CDH22: variants seen among roughly 807,000 people sequenced by gnomAD.
CDH22 encodes cadherin 22, also known as cadherin-22.
A neutral mutation model predicts 58.4 loss-of-function variants in CDH22; 30 were observed. The ratio of observed to expected loss-of-function variants is 0.51; its 90% CI spans 0.38 to 0.70. The LOEUF (loss-of-function observed/expected upper bound fraction) is 0.70, where lower values mean the gene tolerates loss of function less well. Among genes scored for constraint, CDH22 ranks in the 30% least tolerant of loss-of-function variants. CDH22 has a pLI of 0.00. For synonymous variants in CDH22, 513 were observed against 558.2 expected, an observed-to-expected ratio of 0.92 and a Z score of 1.14; for missense variants, 1,014 against 1,233.9, an observed-to-expected ratio of 0.82 and a Z score of 2.67.
At chr20:46,197,720 G>T (rs1000368594) in intron 8 of CDH22, among the ~76,000 whole-genome samples, 1 of 152,206 alleles carries the variant, frequency 6.6e-6, no homozygotes, top group Non-Finnish European at 1.5e-5. Flanking sequence ...CCTTTCATGC[G>T]GTAGAGGAGT....
At chr20:46,284,217 TGTGCCAGA>T (rs945432047) in intron 1 of CDH22, among the ~76,000 whole-genome samples, 14 of 148,572 alleles carry the variant, frequency 9.4e-5, no homozygotes, top group Non-Finnish European at 1.9e-4. Context: ...GACAGGAAGG[TGTGCCAGA>T]GTCCCTGGGC....
rs1175543885 is a variant in CDH22, at chr20:46,216,085, G to A, written c.838+741C>T. On this transcript the variant is annotated intron_variant, in intron 5 of 11. Coordinates refer to ENST00000537909, the MANE Select transcript of CDH22 (RefSeq NM_021248.3). The surrounding 1 kb of genome is among the most constrained non-coding windows in gnomAD (Gnocchi z 5.3). ...GTGAGAGCAGCAGACCTCAAGTAATGACTCACCCGATAGGAATCAGCCCAG... is the reference window on the plus strand; with the variant it reads ...GTGAGAGCAGCAGACCTCAAGTAATAACTCACCCGATAGGAATCAGCCCAG... Among the ~76,000 whole-genome samples, 1 of 152,158 alleles carries A rather than the reference G, an allele frequency of 6.6e-6. No individual in the cohort carries two copies. Among genetic ancestry groups the A allele is most frequent in the African/African-American group, 2.4e-5 (1 of 41,458 alleles).
chr20:46,220,733 G>C (rs62214484), intron 4 of CDH22: 1 of 151,778 alleles, frequency 6.6e-6, no homozygotes, highest in Non-Finnish European at 1.5e-5. Flanking sequence ...CAGCTCCTGA[G>C]GAACTGGGGA....
intron 3 of CDH22, among the ~76,000 whole-genome samples, chr20:46,238,613 C>T (rs541592915): frequency 4.6e-5 from 7 of 152,320 alleles, no homozygotes; most frequent in South Asian, 4.1e-4. Context: ...AAATGGAAAT[C>T]CATCTATTTA....
intron 3 of CDH22, among the ~76,000 whole-genome samples, chr20:46,237,971 T>C (rs1198298551): frequency 6.6e-6 from 1 of 152,138 alleles, no homozygotes; most frequent in Non-Finnish European, 1.5e-5. Context: ...TCCTGCCACC[T>C]CTCAGAGTCA....
chr20:46,220,084 C>T (rs2086112819), intron 4 of CDH22, among the ~76,000 whole-genome samples: 1 of 147,542 alleles, frequency 6.8e-6, no homozygotes, highest in Admixed American at 6.9e-5. Flanking sequence ...TAGTGAGAGA[C>T]AGGAGGAAAG....
intron 3 of CDH22, among the ~76,000 whole-genome samples, chr20:46,230,423 ACTC>A (rs769430389): frequency 1.7e-4 from 26 of 151,652 alleles, no homozygotes; most frequent in Non-Finnish European, 2.5e-4. Flanking sequence ...GGCCCACAAA[ACTC>A]CTGAAAATCA....
At chr20:46,295,091 C>T (rs1320618323) in intron 1 of CDH22, among the ~76,000 whole-genome samples, 1 of 152,212 alleles carries the variant, frequency 6.6e-6, no homozygotes, top group South Asian at 2.1e-4. Context: ...CGAGGAGCCT[C>T]TCACTGGCAG....
rs1260189605 is a variant in CDH22 at position 46,186,573 on chromosome 20, GGTTT to G, written c.1663+11_1663+14del. Reference sequence around the variant, plus strand: ...GTGCCCCTCCCTTCTTGCATCCTAGGGTTTGGAGGCTCACCTTGGATGTCAAGCA... The same window carrying G: ...GTGCCCCTCCCTTCTTGCATCCTAGGGGAGGCTCACCTTGGATGTCAAGCA... On this transcript the variant is annotated intron_variant, in intron 10 of 11. Coordinates refer to ENST00000537909, the MANE Select transcript of CDH22 (RefSeq NM_021248.3). 6.4e-7 allele frequency: 1 copy of G among 1,574,658 alleles called. No individual in the cohort carries two copies. The highest frequency in any genetic ancestry group is 1.1e-5 in the South Asian group (1 of 89,934).
At chr20:46,236,460 G>C (rs972117491) in intron 3 of CDH22, among the ~76,000 whole-genome samples, 4 of 139,296 alleles carry the variant, frequency 2.9e-5, no homozygotes. Context: ...ACACCATCAG[G>C]CATATTAATA....
chr20:46,265,274 C>T (rs982220429), intron 1 of CDH22, among the ~76,000 whole-genome samples: 2 of 152,208 alleles, frequency 1.3e-5, no homozygotes, highest in Non-Finnish European at 2.9e-5. Flanking sequence ...GGAGGCCCTT[C>T]TCCCTCCAAA....
intron 3 of CDH22, among the ~76,000 whole-genome samples, chr20:46,236,099 C>G (rs1047050316): frequency 6.6e-6 from 1 of 152,162 alleles, no homozygotes; most frequent in Admixed American, 6.5e-5. Flanking sequence ...ATTTGCTGTT[C>G]TCTCTGCCTG....
chr20:46,178,564 A>G (rs1308934283), intron 10 of CDH22, among the ~76,000 whole-genome samples: 10 of 148,026 alleles, frequency 6.8e-5, no homozygotes, highest in African/African-American at 2.3e-4. Context: ...CAGCTAGGCC[A>G]AGGTCCTGTC....
At chr20:46,203,423 T>C (rs1213574530) in intron 7 of CDH22, among the ~76,000 whole-genome samples, 1 of 152,040 alleles carries the variant, frequency 6.6e-6, no homozygotes, top group Non-Finnish European at 1.5e-5. Flanking sequence ...AGTGTGTGTT[T>C]TGTGTGGCGT....
At chr20:46,295,522 T>TACATCTCCACTTTACATCATCTCCA (rs2086625346) in intron 1 of CDH22, among the ~76,000 whole-genome samples, 5 of 152,346 alleles carry the variant, frequency 3.3e-5, no homozygotes, top group South Asian at 2.1e-4. Flanking sequence ...GCAGCTACTG[T>TACATCTCCACTTTACATCATCTCCA]GATTATCATC....
intron 5 of CDH22, among the ~76,000 whole-genome samples, chr20:46,215,702 G>A (rs577566145): frequency 1.3e-5 from 2 of 152,356 alleles, no homozygotes; most frequent in South Asian, 2.1e-4. Flanking sequence ...AAGGAATGAC[G>A]AGCAGGAAAG....
At chr20:46,186,154 C>A (rs1333581602) in intron 10 of CDH22, among the ~76,000 whole-genome samples, 2 of 142,690 alleles carry the variant, frequency 1.4e-5, no homozygotes, top group African/African-American at 5.3e-5. Context: ...GTGGAGGTTG[C>A]AACGAGCCAC....
At chr20:46,249,551 G>A (rs1416965008) in intron 2 of CDH22, among the ~76,000 whole-genome samples, 2 of 152,134 alleles carry the variant, frequency 1.3e-5, no homozygotes, top group South Asian at 2.1e-4. Context: ...AAACCCAAAG[G>A]TTTACATCTA....
At chr20:46,193,837 C>T (rs2085878812) in intron 8 of CDH22, among the ~76,000 whole-genome samples, 1 of 152,102 alleles carries the variant, frequency 6.6e-6, no homozygotes, top group African/African-American at 2.4e-5. Flanking sequence ...GGAAAAACTT[C>T]CTTGGCCTTT....
Sources: gnomAD v4.1 joint callset for allele counts (sites outside exome capture counted in the v4.1 genomes callset) on GRCh38, gnomAD v4.1.1 for gene constraint, Gnocchi (gnomAD v3.1) non-coding constraint, MANE v1.5 for transcripts, NCBI Gene and HGNC (gene_info 2026-07-23, HGNC 2026-07-21) for gene names.